Variants in KCNT2 observed in about 807,000 individuals in gnomAD.
The protein encoded by KCNT2 is potassium sodium-activated channel subfamily T member 2.
In KCNT2, 67 loss-of-function variants were observed where a neutral mutation model predicts 153.8. The ratio of observed to expected loss-of-function variants is 0.44; its 90% CI spans 0.36 to 0.53. The LOEUF (loss-of-function observed/expected upper bound fraction) is 0.53. Ranked by LOEUF, KCNT2 falls within the 20% of genes least tolerant of loss-of-function variation. The pLI is 0.00. For missense variants in KCNT2, 975 were observed against 1,354.8 expected, an observed-to-expected ratio of 0.72 and a Z score of 4.40; for synonymous variants, 500 against 458.8, an observed-to-expected ratio of 1.09 and a Z score of -1.15.
intron 8 of KCNT2, among the ~76,000 whole-genome samples, chr1:196,447,880 G>A (rs189712537): frequency 1.8e-3 from 272 of 148,110 alleles, no homozygotes; most frequent in Middle Eastern, 3.4e-3. Context: ...AGATAGAGAA[G>A]TCAGGCCACC....
chr1:196,326,629 C>T, intron 19 of KCNT2, 88 bp downstream of exon 19: 1 of 669,920 alleles, frequency 1.5e-6, no homozygotes. Context: ...AAAATACTAC[C>T]AGAATATTAC....
At chr1:196,265,294 T>C (rs1657435811) in intron 25 of KCNT2, among the ~76,000 whole-genome samples, 1 of 152,224 alleles carries the variant, frequency 6.6e-6, no homozygotes, top group South Asian at 2.1e-4. Context: ...TTCTGCCCAC[T>C]GGCAAGCATA....
intron 1 of KCNT2, among the ~76,000 whole-genome samples, chr1:196,595,845 G>A (rs181858115): frequency 5.3e-5 from 8 of 151,612 alleles, no homozygotes; most frequent in African/African-American, 1.9e-4. Context: ...CCTTCCTCCC[G>A]ACCTTCCCCA....
At chr1:196,362,779 C>T (rs1189240388) in intron 14 of KCNT2, among the ~76,000 whole-genome samples, 1 of 151,994 alleles carries the variant, frequency 6.6e-6, no homozygotes, top group Non-Finnish European at 1.5e-5. Context: ...GTAGGATGCT[C>T]TCAATATTTC....
intron 1 of KCNT2, among the ~76,000 whole-genome samples, chr1:196,596,352 G>A (rs1332961804): frequency 6.6e-6 from 1 of 152,022 alleles, no homozygotes; most frequent in African/African-American, 2.4e-5. Context: ...CACCAGCAAT[G>A]TAAATGTGTT....
chr1:196,565,465 T>C (rs1659996098), intron 1 of KCNT2, among the ~76,000 whole-genome samples: 1 of 151,686 alleles, frequency 6.6e-6, no homozygotes, highest in Admixed American at 6.6e-5. Flanking sequence ...AAATAACGTG[T>C]TGAAAAAATA....
At chr1:196,249,755 A>T (rs1374688700) in intron 26 of KCNT2, among the ~76,000 whole-genome samples, 1 of 152,038 alleles carries the variant, frequency 6.6e-6, no homozygotes, top group Non-Finnish European at 1.5e-5. Context: ...AGCCTGGATG[A>T]CAAGAGTGAG....
chr1:196,444,464 T>C (rs1395188890), intron 8 of KCNT2, among the ~76,000 whole-genome samples: 1 of 151,308 alleles, frequency 6.6e-6, no homozygotes, highest in Non-Finnish European at 1.5e-5. Context: ...CGTCCTCTCA[T>C]CAGTTTACCT....
rs539746643 is a variant in KCNT2 at position 196,352,982 on chromosome 1, G to T, written c.1404-10754C>A. On this transcript the variant is annotated intron_variant, in intron 14 of 27. Transcript: ENST00000294725. ...GTACCCAGTAGTCATTCAGGAGCAG[G>T]TTGTTCAGTTTCCATGTAGTTGAGC... Among the ~76,000 whole-genome samples the T allele has an allele frequency of 3.7e-3, 559 of 152,152 alleles. 4 individuals are homozygous for T. Among genetic ancestry groups the T allele is most frequent in the African/African-American group, 0.013 (533 of 41,524 alleles).
intron 3 of KCNT2, 52 bp from the exon 4 acceptor site, chr1:196,482,431 C>T: frequency 2.0e-6 from 2 of 997,854 alleles, no homozygotes; most frequent in South Asian, 1.7e-5. Flanking sequence ...AAAATCTATT[C>T]ACTTTTAAAA....
At chr1:196,262,350 G>C (rs1024001403) in intron 25 of KCNT2, among the ~76,000 whole-genome samples, 1 of 151,838 alleles carries the variant, frequency 6.6e-6, no homozygotes, top group Non-Finnish European at 1.5e-5. Flanking sequence ...TTGTAATCTG[G>C]ACTCATGACT....
intron 13 of KCNT2, among the ~76,000 whole-genome samples, chr1:196,389,525 G>A (rs1189615283): frequency 2.6e-5 from 4 of 151,680 alleles, no homozygotes; most frequent in African/African-American, 9.7e-5. Context: ...AAAATGGGGT[G>A]CTTCATTTTG....
chr1:196,244,922 C>T (rs1278891481), intron 26 of KCNT2, among the ~76,000 whole-genome samples: 1 of 152,142 alleles, frequency 6.6e-6, no homozygotes. Context: ...GGCTTCAGGT[C>T]TGACCCATTG....
chr1:196,317,796 C>A (rs188969546), intron 20 of KCNT2, among the ~76,000 whole-genome samples: 2 of 151,622 alleles, frequency 1.3e-5, no homozygotes, highest in African/African-American at 4.8e-5. Flanking sequence ...CCTATACCCA[C>A]GTGTGTCGGT....
chr1:196,387,466 A>C (rs1022598830), intron 13 of KCNT2, among the ~76,000 whole-genome samples: 2 of 151,950 alleles, frequency 1.3e-5, no homozygotes, highest in African/African-American at 4.8e-5. Flanking sequence ...CCCTATTTTA[A>C]GCTTTCCTTG....
intron 1 of KCNT2, among the ~76,000 whole-genome samples, chr1:196,524,305 T>C (rs571585117): frequency 2.6e-5 from 4 of 152,168 alleles, no homozygotes; most frequent in Non-Finnish European, 4.4e-5. Context: ...CACATTCTTA[T>C]TGGGAGTTTG....
intron 21 of KCNT2, among the ~76,000 whole-genome samples, chr1:196,309,018 T>A (rs192753509): frequency 2.5e-4 from 38 of 152,004 alleles, no homozygotes; most frequent in African/African-American, 8.0e-4. Context: ...ATATAATAGA[T>A]GAAACAATAA....
chr1:196,550,795 T>C (rs964233906), intron 1 of KCNT2, among the ~76,000 whole-genome samples: 3 of 151,676 alleles, frequency 2.0e-5, no homozygotes, highest in Non-Finnish European at 4.4e-5. Context: ...CCAAAGGCTA[T>C]GGGGGCAGTA....
At chr1:196,283,665 A>G (rs1206952041) in intron 23 of KCNT2, among the ~76,000 whole-genome samples, 1 of 152,158 alleles carries the variant, frequency 6.6e-6, no homozygotes, top group African/African-American at 2.4e-5. Flanking sequence ...CAAAAGTCCC[A>G]CTGAAGAGAA....
Sources: allele counts gnomAD v4.1 joint callset (sites outside exome capture counted in the v4.1 genomes callset), GRCh38; gene constraint gnomAD v4.1.1; transcripts MANE v1.5; gene names NCBI Gene and HGNC (gene_info 2026-07-23, HGNC 2026-07-21).